The following C4orf54 variants were observed in gnomAD, a reference collection of about 807,000 sequenced individuals.
C4orf54 encodes chromosome 4 open reading frame 54.
A neutral mutation model predicts 80.1 loss-of-function variants in C4orf54; 67 were observed. The observed-to-expected ratio is 0.84, with a 90% confidence interval of 0.69 to 1.03. The LOEUF (loss-of-function observed/expected upper bound fraction) is 1.03. Among genes scored for constraint, C4orf54 ranks in the 50% least tolerant of loss-of-function variants. The pLI is 0.00. For synonymous variants in C4orf54, 1,000 were observed against 917.0 expected (o/e 1.09, Z -1.64); for missense variants, 2,434 against 2,253.5 (o/e 1.08, Z -1.62).
rs1386466617 is a variant in C4orf54, at chr4:99,653,936, C to T, written c.713G>A (p.Ser238Asn). The stretch of plus-strand genomic sequence containing the variant: ...ATTGTTCTGGGGGCTTGGAGTCTTG[C>T]TGCTGGGTTCATCTTGGGCTTTCTC... ...PKEKAQDEPS[S>N]KTPSPQNNPA... The change falls in exon 2 of 3, where the codon AGC becomes AAC. Residue 238 changes from serine to asparagine, a missense_variant. By Grantham distance (46) the Ser-to-Asn change is conservative. Coordinates refer to ENST00000511828, the MANE Select transcript of C4orf54 (RefSeq NM_001354435.2). The T allele has an allele frequency of 6.5e-7, 1 of 1,536,142 alleles. No individual in the cohort carries two copies. The highest frequency in any genetic ancestry group is 8.7e-7 in the Non-Finnish European group (1 of 1,146,908).
At position 99,653,466 on chromosome 4, in the gene C4orf54, C is replaced by G. The variant is rs1282989445; in HGVS notation, c.1183G>C (p.Glu395Gln). 6.5e-7 allele frequency: 1 copy of G among 1,536,094 alleles called. No homozygotes were observed. Among genetic ancestry groups the G allele is most frequent in the Non-Finnish European group, 8.7e-7 (1 of 1,146,906 alleles). ...DVGLASRWDF[E>Q]DNNVIYSFVD... The stretch of plus-strand genomic sequence containing the variant: ...AACGAGTAGATCACGTTGTTGTCCT[C>G]GAAATCCCAGCGGGAGGCCAGTCCC... The change falls in exon 2 of 3, where the codon GAG becomes CAG. Residue 395 changes from glutamate to glutamine, a missense_variant. Transcript: ENST00000511828.
rs1299656813 is a variant in C4orf54, at chr4:99,649,936, C to T, written c.4713G>A (p.Gly1571=). ...AGAAGCAGAGGACCTGAGGCTGGGC[C>T]CCCTGTAGGGTGAAGGGCAGCGGCG... The part of the protein sequence containing the change: ...HQPPLPFTLQ[G]AQPQVLCFSP... Residue 1571 remains glycine, a synonymous_variant, in exon 2 of 3, where the codon GGG becomes GGA. Transcript: ENST00000511828. The T allele has an allele frequency of 2.6e-6, 4 of 1,530,480 alleles. No homozygotes were observed. Among genetic ancestry groups the T allele is most frequent in the East Asian group, 4.9e-5 (2 of 40,740 alleles). The allele number at this position is 1,530,480 out of a possible 1,614,324, so 94.8% of individuals were successfully genotyped here.
In C4orf54 at chr4:99,638,305, A is replaced by T. The variant is rs1327146696; in HGVS notation, c.*2928T>A. ...AGGGCAACTTCATTGAGTACTTTTT[A>T]AAAACATACATTCTGGCGAATTAAA... On this transcript the variant is annotated 3_prime_UTR_variant, in exon 3 of 3. Coordinates refer to ENST00000511828, the MANE Select transcript of C4orf54 (RefSeq NM_001354435.2). 6.6e-6 allele frequency: 1 copy of T among 152,212 alleles called. No homozygotes were observed. Among genetic ancestry groups the T allele is most frequent in the African/African-American group, 2.4e-5 (1 of 41,464 alleles). 9.4% of individuals were successfully genotyped at this position (152,212 alleles called of 1,614,324 possible).
In C4orf54 at chr4:99,652,559, C is replaced by T. The variant is rs1288545751; in HGVS notation, c.2090G>A (p.Gly697Glu). ...SVAAGLRKGS[G>E]ARATADQLYI... The stretch of plus-strand genomic sequence containing the variant: ...GAGCTGGTCGGCAGTGGCCCGGGCC[C>T]CACTGCCCTTCCTCAGACCTGCAGC... The change falls in exon 2 of 3, where the codon GGG becomes GAG. Residue 697 changes from glycine to glutamate, a missense_variant. Gly to Glu is a moderately conservative substitution (Grantham distance 98, BLOSUM62 -2). Transcript: ENST00000511828. 6.5e-7 allele frequency: 1 copy of T among 1,535,936 alleles called. No homozygotes were observed. Among genetic ancestry groups the T allele is most frequent in the Non-Finnish European group, 8.7e-7 (1 of 1,146,906 alleles).
chr4:99,647,795 G>C (rs146953393), intron 2 of C4orf54, among the ~76,000 whole-genome samples: 3 of 152,246 alleles, frequency 2.0e-5, no homozygotes, highest in African/African-American at 7.2e-5. Flanking sequence ...CATGTTTAGG[G>C]TTAGATATTA....
Position 99,650,586 on chromosome 4 carries a change from T to TG in C4orf54, c.4062dup (p.Arg1355GlnfsTer6). On this transcript the variant is annotated frameshift_variant, in exon 2 of 3. Transcript: ENST00000511828. LOFTEE classifies it high-confidence loss of function. ...GCCAGGTTCTCAAAGGCCGCTGCCC[T>TG]GGCAGACACACTCTCAGCGCTGGGG... 6.5e-7 allele frequency: 1 copy of TG among 1,536,070 alleles called. No homozygotes were observed. Among genetic ancestry groups the TG allele is most frequent in the South Asian group, 1.2e-5 (1 of 84,058 alleles).
chr4:99,642,894 C>T (rs1726630028), intron 2 of C4orf54, among the ~76,000 whole-genome samples: 2 of 152,220 alleles, frequency 1.3e-5, no homozygotes, highest in South Asian at 4.1e-4. Flanking sequence ...GCAAGCTATG[C>T]TCAGAGTTGT....
In C4orf54 at chr4:99,654,493, G is replaced by A. The variant is rs1726946066; in HGVS notation, c.156C>T (p.Ala52=). ...LSYRTLATVS[A]GAAAPQPQTT... The stretch of plus-strand genomic sequence containing the variant: ...TCTGTGGCTGGGGGGCTGCTGCTCC[G>A]GCCGAGACTGTGGCCAGTGTTCTGT... Residue 52 remains alanine, a synonymous_variant, in exon 2 of 3, where the codon GCC becomes GCT. Coordinates refer to ENST00000511828, the MANE Select transcript of C4orf54 (RefSeq NM_001354435.2). 8.5e-6 allele frequency: 6 copies of A among 704,134 alleles called. No homozygotes were observed. Among genetic ancestry groups the A allele is most frequent in the Admixed American group, 4.0e-5 (2 of 50,004 alleles). The allele number at this position is 704,134 out of a possible 1,614,324, so 43.6% of individuals were successfully genotyped here. A position where few individuals can be genotyped will look rare whatever the true frequency, so the allele number is the denominator to read the frequency against.
At position 99,653,131 on chromosome 4, in the gene C4orf54, G is replaced by T. The variant is rs749105296; in HGVS notation, c.1518C>A (p.Ala506=). Residue 506 remains alanine, a synonymous_variant, in exon 2 of 3, where the codon GCC becomes GCA. Transcript: ENST00000511828. ...CACTCCCACAGCTGCTTGCGGCGGCGGCTGCTGCCCCTGAAGCTGCCTCCG... is the reference window on the plus strand; with the variant it reads ...CACTCCCACAGCTGCTTGCGGCGGCTGCTGCTGCCCCTGAAGCTGCCTCCG... ...ETPEAASGAA[A]AAASSCGSAA... 42 of 1,536,030 alleles carry T rather than the reference G, an allele frequency of 2.7e-5. No individual in the cohort carries two copies. Among genetic ancestry groups the T allele is most frequent in the African/African-American group, 5.5e-5 (4 of 73,044 alleles).
At position 99,653,140 on chromosome 4, in the gene C4orf54, C is replaced by A; in HGVS notation, c.1509G>T (p.Gly503=). 3.3e-6 allele frequency: 5 copies of A among 1,536,166 alleles called. No individual in the cohort carries two copies. The highest frequency in any genetic ancestry group is 4.4e-6 in the Non-Finnish European group (5 of 1,146,900). The part of the protein sequence containing the change: ...PLPETPEAAS[G]AAAAAASSCG... ...AGCTGCTTGCGGCGGCGGCTGCTGC[C>A]CCTGAAGCTGCCTCCGGGGTCTCAG... is the stretch of plus-strand genomic sequence containing the variant. Residue 503 remains glycine, a synonymous_variant, in exon 2 of 3, where the codon GGG becomes GGT. Coordinates refer to ENST00000511828, the MANE Select transcript of C4orf54 (RefSeq NM_001354435.2).
At chr4:99,646,295 G>C (rs970781384) in intron 2 of C4orf54, among the ~76,000 whole-genome samples, 1 of 152,136 alleles carries the variant, frequency 6.6e-6, no homozygotes, top group Admixed American at 6.5e-5. Flanking sequence ...ATCCGTATGT[G>C]GGTTTACGGC....
rs1256958518 is a variant in C4orf54, at chr4:99,654,371, A to G, written c.278T>C (p.Val93Ala). Residue 93 changes from valine (V) to alanine (A), a missense_variant, in exon 2 of 3, where the codon GTG (valine) becomes GCG (alanine). Transcript: ENST00000511828. ...CCCCAAGGCTGTAGGCACTGCTGCC[A>G]CTGCTGCCACCACCTCCCAGTTCTT... ...GLKNWEVVAA[V>A]AAVPTALGPV... The G allele has an allele frequency of 9.6e-7, 1 of 1,041,286 alleles. No homozygotes were observed. Among genetic ancestry groups the G allele is most frequent in the Middle Eastern group, 2.0e-4 (1 of 5,072 alleles). The allele number at this position is 1,041,286 out of a possible 1,614,324, so 64.5% of individuals were successfully genotyped here.
intron 2 of C4orf54, among the ~76,000 whole-genome samples, chr4:99,644,513 A>T (rs949621133): frequency 6.6e-6 from 1 of 152,188 alleles, no homozygotes; most frequent in Non-Finnish European, 1.5e-5. Flanking sequence ...TAGTGGGGAA[A>T]ATAGAAATAA....
In C4orf54 at chr4:99,650,219, C is replaced by T. The variant is rs1560637685; in HGVS notation, c.4430G>A (p.Gly1477Glu). 2.6e-6 allele frequency: 4 copies of T among 1,536,024 alleles called. No homozygotes were observed. The highest frequency in any genetic ancestry group is 2.6e-6 in the Non-Finnish European group (3 of 1,146,874). ...AAGAAGCTCCCCTGCAGCAGAGCTTCCTTTAAGAGGGATGGTCAGGTAATT... is the reference window on the plus strand; with the variant it reads ...AAGAAGCTCCCCTGCAGCAGAGCTTTCTTTAAGAGGGATGGTCAGGTAATT... ...CENYLTIPLK[G>E]SSAAGELLSR... is the part of the protein sequence containing the mutation. The change falls in exon 2 of 3, where the codon GGA becomes GAA. Residue 1477 changes from glycine to glutamate, a missense_variant. Gly to Glu is a moderately conservative substitution (Grantham distance 98). Transcript: ENST00000511828.
Position 99,637,648 on chromosome 4 carries a change from T to A in C4orf54, c.*3585A>T, listed in dbSNP as rs999863580. The A allele has an allele frequency of 6.6e-6, 1 of 152,186 alleles. No homozygotes were observed. The highest frequency in any genetic ancestry group is 2.4e-5 in the African/African-American group (1 of 41,450). The allele number at this position is 152,186 out of a possible 1,614,324, so 9.4% of individuals were successfully genotyped here. On this transcript the variant is annotated 3_prime_UTR_variant, in exon 3 of 3. Transcript: ENST00000511828. ...CCTAACATATTTTGTGAATTTGATTTTTATAAGCAGTTTTATCAAACAAAC... is the reference window on the plus strand; with the variant it reads ...CCTAACATATTTTGTGAATTTGATTATTATAAGCAGTTTTATCAAACAAAC...
At position 99,652,671 on chromosome 4, in the gene C4orf54, G is replaced by A. The variant is rs932308377; in HGVS notation, c.1978C>T (p.Arg660Cys). The A allele has an allele frequency of 1.5e-5, 23 of 1,535,946 alleles. No individual in the cohort carries two copies. In the African/African-American group the frequency reaches 2.6e-4, roughly 17 times the overall value. ...TTTAAGTCCAGGAAAGTTGACCAGC[G>A]CCCAAAGCCCACTTCGGAGAGCGTG... ...STTLSEVGFG[R>C]WSTFLDLKCG... Residue 660 changes from arginine to cysteine, a missense_variant, in exon 2 of 3, where the codon CGC (arginine) becomes TGC (cysteine). Physicochemically the swap from Arg to Cys is radical, Grantham distance 180 (BLOSUM62 -3). Transcript: ENST00000511828.
Position 99,653,863 on chromosome 4 carries a change from C to T in C4orf54, c.786G>A (p.Glu262=), listed in dbSNP as rs749615469. Residue 262 remains glutamate, a synonymous_variant, in exon 2 of 3, where the codon GAG becomes GAA. Coordinates refer to ENST00000511828, the MANE Select transcript of C4orf54 (RefSeq NM_001354435.2). ...ATGAGGAAGATGAGAAATTGCCACCCTCTTCAGAGGCAGAGTGCTGGGATC... is the reference window on the plus strand; with the variant it reads ...ATGAGGAAGATGAGAAATTGCCACCTTCTTCAGAGGCAGAGTGCTGGGATC... ...LSRSQHSASE[E]GGNFSSSSSS... The T allele has an allele frequency of 5.3e-5, 82 of 1,536,198 alleles. No individual in the cohort carries two copies. In the South Asian group the frequency reaches 8.4e-4, roughly 16 times the overall value.
intron 2 of C4orf54, among the ~76,000 whole-genome samples, chr4:99,642,974 G>T (rs757359440): frequency 6.6e-6 from 1 of 152,200 alleles, no homozygotes; most frequent in Non-Finnish European, 1.5e-5. Flanking sequence ...TGCCCTGAGA[G>T]ATCAGCCAGC....
intron 2 of C4orf54, among the ~76,000 whole-genome samples, chr4:99,647,356 G>A (rs1480007948): frequency 2.0e-5 from 3 of 152,092 alleles, no homozygotes; most frequent in Admixed American, 2.0e-4. Context: ...AATAGCCCTA[G>A]GTAAACACAC....
Sources: allele counts gnomAD v4.1 joint callset (sites outside exome capture counted in the v4.1 genomes callset), GRCh38; gene constraint gnomAD v4.1.1; transcripts MANE v1.5; gene names NCBI Gene and HGNC (gene_info 2026-07-23, HGNC 2026-07-21).